The following GPHN variants were observed in gnomAD, a reference collection of about 807,000 sequenced individuals.
The protein encoded by GPHN is gephyrin.
A neutral mutation model predicts 95.5 loss-of-function variants in GPHN; 17 were observed. The ratio of observed to expected loss-of-function variants is 0.18; its 90% CI spans 0.12 to 0.27. GPHN has a LOEUF of 0.27. Among genes scored for constraint, GPHN ranks in the 10% least tolerant of loss-of-function variants. GPHN has a pLI of 1.00. For missense variants in GPHN, 660 were observed against 978.1 expected (o/e 0.67, Z 4.34); for synonymous variants, 320 against 322.5 (o/e 0.99, Z 0.08).
chr14:67,008,958 T>C (rs1401416411), intron 9 of GPHN, among the ~76,000 whole-genome samples: 1 of 152,150 alleles, frequency 6.6e-6, no homozygotes, highest in Non-Finnish European at 1.5e-5. Context: ...GTTTTGAAGG[T>C]TGAAGTAAAA....
At chr14:67,731,172 C>A in the GPHN span, among the ~76,000 whole-genome samples, 1 of 148,846 alleles carries the variant, frequency 6.7e-6, no homozygotes, top group Admixed American at 6.7e-5. Flanking sequence ...ACATATGTGG[C>A]TCACAATTGT....
chr14:67,237,398 A>G, the GPHN span, among the ~76,000 whole-genome samples: 2 of 152,194 alleles, frequency 1.3e-5, no homozygotes, highest in African/African-American at 2.4e-5. Flanking sequence ...AATTTGATAT[A>G]TAATAGGGAA....
chr14:67,490,074 G>A, the GPHN span, among the ~76,000 whole-genome samples: 1 of 152,342 alleles, frequency 6.6e-6, no homozygotes, highest in East Asian at 1.9e-4. Flanking sequence ...TCTGCTGGAT[G>A]GATGGACAGG....
chr14:66,887,680 C>G (rs2064267956), intron 5 of GPHN, among the ~76,000 whole-genome samples: 1 of 152,136 alleles, frequency 6.6e-6, no homozygotes, highest in Non-Finnish European at 1.5e-5. Context: ...TTCCTTTTAC[C>G]TGGTATATCA....
In GPHN at chr14:67,059,770, T is replaced by C. The variant is rs759357499; in HGVS notation, c.1144+984T>C. ...TCTGTGTCCCCACTTAGACAAGGAT[T>C]GTTATTATACAGTTTGCCCTTATCC... is the stretch of plus-strand genomic sequence containing the variant. On this transcript the variant is annotated intron_variant, in intron 11 of 22. Transcript: ENST00000478722. Among the ~76,000 whole-genome samples the C allele has an allele frequency of 3.6e-4, 55 of 152,196 alleles. 1 individual carries two copies. Among genetic ancestry groups the C allele is most frequent in the Non-Finnish European group, 6.3e-4 (43 of 68,026 alleles).
the GPHN span, among the ~76,000 whole-genome samples, chr14:67,492,937 T>C: frequency 6.6e-6 from 1 of 152,088 alleles, no homozygotes; most frequent in Non-Finnish European, 1.5e-5. Context: ...TAAGTTTTAA[T>C]ATTATGCCAT....
chr14:67,645,821 A>C, the GPHN span: 8 of 1,612,434 alleles, frequency 5.0e-6, no homozygotes, highest in Non-Finnish European at 5.9e-6. Flanking sequence ...GCCAAAACGA[A>C]AAGAAAGGTG....
intron 3 of GPHN, among the ~76,000 whole-genome samples, chr14:66,780,384 A>C (rs1055886562): frequency 2.0e-5 from 3 of 152,190 alleles, no homozygotes; most frequent in Admixed American, 2.0e-4. Flanking sequence ...TATATGAGGT[A>C]TTAAAATTGG....
chr14:67,037,956 A>G (rs1352630995), intron 10 of GPHN, among the ~76,000 whole-genome samples: 1 of 152,014 alleles, frequency 6.6e-6, no homozygotes, highest in Non-Finnish European at 1.5e-5. Context: ...TTCTGGGTAT[A>G]TATCCAAAAG....
intron 2 of GPHN, among the ~76,000 whole-genome samples, chr14:66,686,135 G>T (rs192839577): frequency 0.31 from 47,286 of 151,968 alleles, 11,177 homozygotes; most frequent in African/African-American, 0.64. Context: ...TACCATGCTG[G>T]TTTGGTTACT....
At chr14:67,552,159 A>G in the GPHN span, among the ~76,000 whole-genome samples, 1 of 152,166 alleles carries the variant, frequency 6.6e-6, no homozygotes, top group Non-Finnish European at 1.5e-5. Context: ...GCAGCTGGTG[A>G]AAGTAGATCC....
chr14:67,049,824 T>G (rs1323059172), intron 10 of GPHN, among the ~76,000 whole-genome samples: 1 of 152,184 alleles, frequency 6.6e-6, no homozygotes, highest in Non-Finnish European at 1.5e-5. Context: ...GTAGGTTTTT[T>G]TATTGGCGAA....
At chr14:67,727,535 T>G in the GPHN span, 1 of 326,088 alleles carries the variant, frequency 3.1e-6, no homozygotes. Context: ...CAGGCTGGAG[T>G]GCAGTAGTGC....
chr14:66,662,682 C>CTGT (rs753490102), intron 1 of GPHN, among the ~76,000 whole-genome samples: 9 of 152,300 alleles, frequency 5.9e-5, no homozygotes, highest in Admixed American at 2.0e-4. Flanking sequence ...GTTCATTCTG[C>CTGT]TACAGCTGCA....
intron 2 of GPHN, among the ~76,000 whole-genome samples, chr14:66,773,384 C>T (rs1030471624): frequency 3.5e-5 from 5 of 143,300 alleles, no homozygotes; most frequent in East Asian, 2.0e-4. Context: ...GACGGAGCCT[C>T]GCTCTATTGC....
intron 2 of GPHN, among the ~76,000 whole-genome samples, chr14:66,740,780 A>C (rs1277458821): frequency 6.6e-6 from 1 of 152,206 alleles, no homozygotes; most frequent in African/African-American, 2.4e-5. Context: ...TATTTGCAAC[A>C]CACTGAACTG....
chr14:67,579,680 C>T, the GPHN span: 2 of 1,597,100 alleles, frequency 1.3e-6, no homozygotes, highest in Non-Finnish European at 1.7e-6. Flanking sequence ...GAGCTCCTCT[C>T]AGGAGGTTCA....
intron 2 of GPHN, among the ~76,000 whole-genome samples, chr14:66,771,216 T>A (rs1454784433): frequency 2.0e-5 from 3 of 152,218 alleles, no homozygotes. Context: ...TGAACTGTGA[T>A]AAATCTTTGA....
intron 4 of GPHN, among the ~76,000 whole-genome samples, chr14:66,833,774 G>T (rs1173558466): frequency 6.6e-6 from 1 of 151,464 alleles, no homozygotes; most frequent in African/African-American, 2.4e-5. Context: ...TTGTTGATTT[G>T]TTGTCTGGAA....
Sources: gnomAD v4.1 joint callset for allele counts (sites outside exome capture counted in the v4.1 genomes callset) on GRCh38, gnomAD v4.1.1 for gene constraint, MANE v1.5 for transcripts, NCBI Gene and HGNC (gene_info 2026-07-23, HGNC 2026-07-21) for gene names.